DGKB: variants seen among roughly 807,000 people sequenced by gnomAD.
DGKB encodes the protein 90 kDa diacylglycerol kinase.
DGKB carries 67 observed loss-of-function variants against 114.3 expected under a neutral mutation model. The observed-to-expected ratio is 0.59, with a 90% CI of 0.48 to 0.72. The LOEUF (loss-of-function observed/expected upper bound fraction) is 0.72, where lower values mean the gene tolerates loss of function less well. Among genes scored for constraint, DGKB ranks in the 30% least tolerant of loss-of-function variants. DGKB has a pLI of 0.00. For missense variants in DGKB, 907 were observed against 975.2 expected (o/e 0.93, Z 0.93); for synonymous variants, 398 against 323.1 (o/e 1.23, Z -2.49).
chr7:14,237,079 T>C (rs1229115178), intron 23 of DGKB, among the ~76,000 whole-genome samples: 5 of 152,080 alleles, frequency 3.3e-5, no homozygotes, highest in African/African-American at 9.6e-5. Flanking sequence ...GTAAATGAGG[T>C]TCATTTTATA....
intron 1 of DGKB, among the ~76,000 whole-genome samples, chr7:14,892,918 A>G (rs1781489590): frequency 1.3e-5 from 2 of 150,400 alleles, no homozygotes; most frequent in South Asian, 4.2e-4. Flanking sequence ...ATATGTACGC[A>G]TATACATATC....
At chr7:14,215,332 C>G (rs1485448343) in intron 23 of DGKB, among the ~76,000 whole-genome samples, 1 of 152,036 alleles carries the variant, frequency 6.6e-6, no homozygotes, top group Non-Finnish European at 1.5e-5. Context: ...CCACATTAGT[C>G]TCAAGGGTAA....
intron 23 of DGKB, among the ~76,000 whole-genome samples, chr7:14,329,425 T>C (rs2128554358): frequency 6.6e-6 from 1 of 152,116 alleles, no homozygotes; most frequent in African/African-American, 2.4e-5. Context: ...TTTCACGAAA[T>C]GGTACAATTG....
chr7:14,360,988 C>T lies in DGKB; in HGVS notation c.1836-15597G>A, dbSNP rs529157746. On this transcript the variant is annotated intron_variant, in intron 21 of 25. Transcript: ENST00000402815. ...TATATTTTGTAAAACTTGCAAAAATCGAGAAAAAAATTACACCTCTCTAGT... is the reference window on the plus strand; with the variant it reads ...TATATTTTGTAAAACTTGCAAAAATTGAGAAAAAAATTACACCTCTCTAGT... 1.7e-4 allele frequency among the ~76,000 whole-genome samples: 26 copies of T among 151,916 alleles called. 1 individual carries two copies. The South Asian group carries it at 2.9e-3, about 17-fold the overall frequency.
chr7:14,678,436 G>A (rs1336285003), intron 12 of DGKB, among the ~76,000 whole-genome samples: 1 of 152,038 alleles, frequency 6.6e-6, no homozygotes, highest in Non-Finnish European at 1.5e-5. Flanking sequence ...TAAGACAGGT[G>A]CATTCAAGGG....
At chr7:14,790,976 T>G (rs561429275) in intron 2 of DGKB, among the ~76,000 whole-genome samples, 1 of 152,220 alleles carries the variant, frequency 6.6e-6, no homozygotes, top group East Asian at 1.9e-4. Context: ...TTATTATATT[T>G]CCTTCATCAG....
At chr7:14,657,293 T>C (rs1439903030) in intron 13 of DGKB, among the ~76,000 whole-genome samples, 1 of 115,934 alleles carries the variant, frequency 8.6e-6, no homozygotes, top group African/African-American at 2.7e-5. Context: ...ATTAAATAAA[T>C]AAAAGGCAGC....
chr7:14,482,000 T>A (rs1432056111), intron 20 of DGKB, among the ~76,000 whole-genome samples: 2 of 152,004 alleles, frequency 1.3e-5, no homozygotes, highest in African/African-American at 4.8e-5. Context: ...TTATGTGGAC[T>A]ACATATTGAA....
chr7:14,231,399 C>G (rs1053758899), intron 23 of DGKB, among the ~76,000 whole-genome samples: 2 of 151,760 alleles, frequency 1.3e-5, no homozygotes, highest in Non-Finnish European at 2.9e-5. Flanking sequence ...TGGCCTCCCC[C>G]AAAATATGCT....
At chr7:14,537,893 C>G (rs1228949868) in intron 20 of DGKB, among the ~76,000 whole-genome samples, 1 of 151,988 alleles carries the variant, frequency 6.6e-6, no homozygotes, top group African/African-American at 2.4e-5. Context: ...CCAGGCTGAC[C>G]AACATGGAGA....
Position 14,964,342 on chromosome 7 carries a change from A to C in DGKB, c.-188+10354T>G, listed in dbSNP as rs56275647. Among the ~76,000 whole-genome samples the C allele has an allele frequency of 2.6e-3, 393 of 152,148 alleles. 2 individuals are homozygous for C. The highest frequency in any genetic ancestry group is 8.6e-3 in the African/African-American group (357 of 41,542). On this transcript the variant is annotated intron_variant, in intron 1 of 4. Transcript: ENST00000437998. Reference sequence around the variant, plus strand: ...CCACATGGCAAAACCTCATCTCTACAAAAAATATAAAAATTAGCTGGGTAG... The same window carrying C: ...CCACATGGCAAAACCTCATCTCTACCAAAAATATAAAAATTAGCTGGGTAG...
At chr7:14,166,603 T>C (rs1784641162) in intron 25 of DGKB, among the ~76,000 whole-genome samples, 1 of 151,930 alleles carries the variant, frequency 6.6e-6, no homozygotes, top group South Asian at 2.1e-4. Flanking sequence ...CTTCACTCTA[T>C]CTCTCCCACT....
In DGKB at chr7:14,170,146, AAAGAAAGAAAGAAAG is replaced by A. The variant is rs1269022693; in HGVS notation, c.2304+6678_2304+6692del. On this transcript the variant is annotated intron_variant, in intron 25 of 25. Coordinates refer to ENST00000402815, the MANE Select transcript of DGKB (RefSeq NM_001350709.2). ...AGAAACTCCATCTCAAAAAAAAAAA[AAAGAAAGAAAGAAAG>A]AAAGAAAGAAAGAAAGAAAGAAAGA... Among the ~76,000 whole-genome samples the A allele has an allele frequency of 5.6e-3, 144 of 25,888 alleles. 2 individuals are homozygous for A. Among genetic ancestry groups the A allele is most frequent in the African/African-American group, 0.019 (114 of 5,922 alleles). 17.0% of individuals were successfully genotyped at this position (25,888 alleles called of 152,430 possible).
chr7:14,785,503 A>G (rs887180864), intron 2 of DGKB, among the ~76,000 whole-genome samples: 7 of 152,178 alleles, frequency 4.6e-5, no homozygotes, highest in Admixed American at 3.3e-4. Flanking sequence ...AAACGTCATG[A>G]CTAAATTAAA....
chr7:14,645,859 G>A (rs1027502204), intron 13 of DGKB, among the ~76,000 whole-genome samples: 3 of 152,076 alleles, frequency 2.0e-5, no homozygotes, highest in Non-Finnish European at 4.4e-5. Context: ...AAGGCAAAAG[G>A]ATGATATCTG....
At position 14,553,705 on chromosome 7, in the gene DGKB, C is replaced by T. The variant is rs752016986; in HGVS notation, c.1770+20507G>A. Among the ~76,000 whole-genome samples the T allele has an allele frequency of 2.0e-5, 3 of 152,002 alleles. No homozygotes were observed. The East Asian group carries it at 5.8e-4, about 29-fold the overall frequency. The stretch of plus-strand genomic sequence containing the variant: ...AAATACATTGAATAATGCTATGAAA[C>T]TTTAAAGATTACCCACAGTCCCACC... On this transcript the variant is annotated intron_variant, in intron 20 of 25. Transcript: ENST00000402815.
At chr7:14,283,131 A>T (rs184232740) in intron 23 of DGKB, among the ~76,000 whole-genome samples, 101,464 of 151,348 alleles carry the variant, frequency 0.67, 34,933 homozygotes, top group South Asian at 0.74. Context: ...CTCAGCCCAA[A>T]ATCTCCTTAA....
intron 21 of DGKB, among the ~76,000 whole-genome samples, chr7:14,468,226 G>C (rs1780765885): frequency 6.6e-6 from 1 of 152,068 alleles, no homozygotes; most frequent in East Asian, 1.9e-4. Flanking sequence ...CAAAGGGGAA[G>C]AAAATTCTAT....
intron 5 of DGKB, among the ~76,000 whole-genome samples, chr7:14,722,948 T>C (rs1266668826): frequency 2.0e-5 from 3 of 152,056 alleles, no homozygotes; most frequent in Non-Finnish European, 4.4e-5. Flanking sequence ...AAGCAGACCC[T>C]GGTCCTCAAT....
Sources: allele counts gnomAD v4.1 joint callset (sites outside exome capture counted in the v4.1 genomes callset), GRCh38; gene constraint gnomAD v4.1.1; transcripts MANE v1.5; gene names NCBI Gene and HGNC (gene_info 2026-07-23, HGNC 2026-07-21).